The following ROCK2 variants were observed in gnomAD, a reference collection of about 807,000 sequenced individuals.
ROCK2 encodes the protein rho-associated protein kinase 2.
Under a neutral mutation model 195.1 loss-of-function variants are expected in ROCK2, and 61 were observed. The observed-to-expected ratio is 0.31, with a 90% CI of 0.25 to 0.39. The LOEUF (loss-of-function observed/expected upper bound fraction) is 0.39, where lower values mean the gene tolerates loss of function less well. Ranked by LOEUF, ROCK2 falls within the 10% of genes least tolerant of loss-of-function variation. The probability of loss-of-function intolerance (pLI) is 1.00; values close to 1 mark genes in which losing one functional copy is unlikely to be tolerated. For missense variants in ROCK2, 1,109 were observed against 1,637.4 expected, an observed-to-expected ratio of 0.68 and a Z score of 5.57; for synonymous variants, 504 against 545.5, an observed-to-expected ratio of 0.92 and a Z score of 1.06.
chr2:11,334,488 G>A (rs1356763656), intron 1 of ROCK2, among the ~76,000 whole-genome samples: 4 of 141,972 alleles, frequency 2.8e-5, no homozygotes, highest in African/African-American at 1.0e-4. Context: ...TCCAGGCTGG[G>A]CGACAGAGAG....
intron 1 of ROCK2, among the ~76,000 whole-genome samples, chr2:11,330,136 T>C (rs1022370990): frequency 3.3e-5 from 5 of 152,336 alleles, no homozygotes; most frequent in Admixed American, 6.5e-5. Flanking sequence ...CATAACACTC[T>C]TCTAAAAATA....
rs559786139 is a variant in ROCK2, at chr2:11,180,458, T to C, written c.*2979A>G. 9.8e-5 allele frequency: 15 copies of C among 152,366 alleles called. No individual in the cohort carries two copies. The East Asian group carries it at 2.9e-3, about 29-fold the overall frequency. The allele number at this position is 152,366 out of a possible 1,614,324, so 9.4% of individuals were successfully genotyped here. ...AGTTAGCTGGAACATTTTAAAACTT[T>C]CATATAGATTTTTAAAACTTGTTTC... On this transcript the variant is annotated 3_prime_UTR_variant, in exon 33 of 33. Transcript: ENST00000315872.
At position 11,181,215 on chromosome 2, in the gene ROCK2, C is replaced by A. The variant is rs1662976569; in HGVS notation, c.*2222G>T. 7 of 144,946 alleles carry A rather than the reference C, an allele frequency of 4.8e-5. No homozygotes were observed. In the Admixed American group the frequency reaches 4.9e-4, roughly 10 times the overall value. 9.0% of individuals were successfully genotyped at this position (144,946 alleles called of 1,614,324 possible). ...ATATATATATATATATATATACTCT[C>A]CAATTCAGAATAGGATAGAACCTCC... is the stretch of plus-strand genomic sequence containing the variant. On this transcript the variant is annotated 3_prime_UTR_variant, in exon 33 of 33. Transcript: ENST00000315872.
In ROCK2 at chr2:11,249,711, A is replaced by C; in HGVS notation, c.412T>G (p.Trp138Gly). Reference protein sequence around the residue: ...MIKRSDSAFFWEERDIMAFAN... With the variant: ...MIKRSDSAFFGEERDIMAFAN... Reference sequence around the variant, plus strand: ...AAGGCCATAATATCTCTTTCTTCCCAAAAAAAGGCAGAATCTGATCTTTTT... The same window carrying C: ...AAGGCCATAATATCTCTTTCTTCCCCAAAAAAGGCAGAATCTGATCTTTTT... Residue 138 changes from tryptophan to glycine, a missense_variant, in exon 4 of 33, where the codon TGG becomes GGG. Around this residue, in one of 6 missense-constraint regions of ROCK2, gnomAD observed 253 missense variants for 455.5 expected, o/e 0.56. Transcript: ENST00000315872. 6.3e-7 allele frequency: 1 copy of C among 1,578,912 alleles called. No individual in the cohort carries two copies. Among genetic ancestry groups the C allele is most frequent in the Non-Finnish European group, 8.6e-7 (1 of 1,164,072 alleles).
At position 11,300,464 on chromosome 2, in the gene ROCK2, A is replaced by G. The variant is rs563778572; in HGVS notation, c.142-12728T>C. On this transcript the variant is annotated intron_variant, in intron 1 of 32. Coordinates refer to ENST00000315872, the MANE Select transcript of ROCK2 (RefSeq NM_004850.5). ...CTTTTAGTAGAGATGGGTTTTCACC[A>G]TGTTGACTAGGCTGGTCTCGAACTC... Among the ~76,000 whole-genome samples the G allele has an allele frequency of 5.3e-5, 8 of 152,274 alleles. No individual in the cohort carries two copies. In the East Asian group the frequency reaches 1.2e-3, roughly 22 times the overall value.
intron 27 of ROCK2, chr2:11,195,347 C>A (rs1309994585): frequency 6.1e-6 from 1 of 164,770 alleles, no homozygotes; most frequent in Non-Finnish European, 1.3e-5. Context: ...GCAGCAGCAA[C>A]TCTCTATTCT....
In ROCK2 at chr2:11,202,073, G is replaced by A. The variant is rs201569262; in HGVS notation, c.2598C>T (p.Leu866=). Residue 866 remains leucine, a synonymous_variant, in exon 21 of 33, where the codon CTC becomes CTT. Transcript: ENST00000315872. ...DGQMKELQDQ[L]EAEQYFSTLY... is the part of the protein sequence containing the mutation. ...TTACTGAGAAATACTGTTCTGCTTC[G>A]AGCTGATCCTGGAGCTCTTTCATTT... 21 of 1,613,608 alleles carry A rather than the reference G, an allele frequency of 1.3e-5. No individual in the cohort carries two copies. The highest frequency in any genetic ancestry group is 3.3e-4 in the Middle Eastern group (2 of 6,062).
intron 3 of ROCK2, among the ~76,000 whole-genome samples, chr2:11,250,230 T>C (rs1279786983): frequency 1.3e-5 from 2 of 152,342 alleles, no homozygotes; most frequent in African/African-American, 4.8e-5. Flanking sequence ...ACCTAATAAA[T>C]TTAGATATCA....
At chr2:11,313,885 T>C (rs1395526192) in intron 1 of ROCK2, among the ~76,000 whole-genome samples, 1 of 151,944 alleles carries the variant, frequency 6.6e-6, no homozygotes, top group African/African-American at 2.4e-5. Context: ...TTTTTACAAA[T>C]ATAAATTTTT....
Sources: gnomAD v4.1 joint callset for allele counts (sites outside exome capture counted in the v4.1 genomes callset) on GRCh38, gnomAD v4.1.1 for gene constraint, gnomAD v4.1.1 regional missense constraint, MANE v1.5 for transcripts, NCBI Gene and HGNC (gene_info 2026-07-23, HGNC 2026-07-21) for gene names.